The following PLCH1 variants were observed in gnomAD, a reference collection of about 807,000 sequenced individuals.
The protein encoded by PLCH1 is phospholipase C eta 1, also known as 1-phosphatidylinositol 4,5-bisphosphate phosphodiesterase eta-1.
Under a neutral mutation model 126.7 loss-of-function variants are expected in PLCH1, and 60 were observed. The observed-to-expected ratio is 0.47, with a 90% CI of 0.38 to 0.59. PLCH1 has a LOEUF of 0.59. Among genes scored for constraint, PLCH1 ranks in the 20% least tolerant of loss-of-function variants. The pLI is 0.00. For synonymous variants in PLCH1, 719 were observed against 734.9 expected (o/e 0.98, Z 0.35); for missense variants, 1,723 against 2,040.0 (o/e 0.84, Z 2.99).
intron 2 of PLCH1, among the ~76,000 whole-genome samples, chr3:155,653,303 C>T (rs971952547): frequency 2.0e-5 from 3 of 152,194 alleles, no homozygotes; most frequent in Non-Finnish European, 2.9e-5. Flanking sequence ...CATGCATTGG[C>T]TACTACACCT....
chr3:155,493,289 C>A (rs1044726486), intron 17 of PLCH1, among the ~76,000 whole-genome samples: 1 of 152,168 alleles, frequency 6.6e-6, no homozygotes, highest in Non-Finnish European at 1.5e-5. Flanking sequence ...ACTTTTTTAT[C>A]TGAATTGTTA....
intron 2 of PLCH1, among the ~76,000 whole-genome samples, chr3:155,605,671 T>G (rs1734264316): frequency 6.6e-6 from 1 of 152,208 alleles, no homozygotes; most frequent in South Asian, 2.1e-4. Context: ...TACAGCTCGG[T>G]AGCAAAGGCT....
intron 2 of PLCH1, among the ~76,000 whole-genome samples, chr3:155,678,714 C>T (rs551738146): frequency 6.0e-4 from 92 of 152,262 alleles, no homozygotes; most frequent in Non-Finnish European, 1.2e-3. Context: ...AACAACCTTA[C>T]AGCCTTAGAA....
intron 8 of PLCH1, 63 bp downstream of exon 8, chr3:155,564,852 C>G: frequency 9.7e-7 from 1 of 1,030,638 alleles, no homozygotes; most frequent in Non-Finnish European, 1.5e-6. Flanking sequence ...ATACTAGACT[C>G]GACAGACTGA....
In PLCH1 at chr3:155,650,105, C is replaced by T. The variant is rs554481105; in HGVS notation, c.80-53727G>A. On this transcript the variant is annotated intron_variant, in intron 2 of 22. Transcript: ENST00000460012. ...TCTTCCACAAACAGCCCCCCCAAAC[C>T]CCCAAATAAAACAGTCATGAAACTA... is the stretch of plus-strand genomic sequence containing the variant. 5.3e-5 allele frequency among the ~76,000 whole-genome samples: 8 copies of T among 152,200 alleles called. No homozygotes were observed. In the South Asian group the frequency reaches 1.7e-3, roughly 32 times the overall value.
intron 2 of PLCH1, among the ~76,000 whole-genome samples, chr3:155,644,046 C>T (rs1344947238): frequency 6.6e-6 from 1 of 151,968 alleles, no homozygotes; most frequent in Non-Finnish European, 1.5e-5. Context: ...GTGGCTGGAT[C>T]ACACACTGGA....
At position 155,480,467 on chromosome 3, in the gene PLCH1, A is replaced by G. The variant is rs1351604587; in HGVS notation, c.*501T>C. The G allele has an allele frequency of 1.3e-5, 2 of 154,224 alleles. No individual in the cohort carries two copies. Among genetic ancestry groups the G allele is most frequent in the African/African-American group, 4.8e-5 (2 of 41,450 alleles). 9.6% of individuals were successfully genotyped at this position (154,224 alleles called of 1,614,324 possible). ...TCCTAAAAGGCAAGGTAACTATTTT[A>G]AAGTTTTTAAAACTGAGTTATAAAA... On this transcript the variant is annotated 3_prime_UTR_variant, in exon 23 of 23. Transcript: ENST00000460012.
At chr3:155,627,978 G>A (rs1207470160) in intron 2 of PLCH1, among the ~76,000 whole-genome samples, 2 of 151,798 alleles carry the variant, frequency 1.3e-5, no homozygotes, top group Non-Finnish European at 2.9e-5. Context: ...TGTTGGCCAG[G>A]TTGATCTCGA....
intron 22 of PLCH1, among the ~76,000 whole-genome samples, chr3:155,483,596 A>G (rs1714535095): frequency 6.6e-6 from 1 of 152,242 alleles, no homozygotes; most frequent in African/African-American, 2.4e-5. Flanking sequence ...GGAAGGTGCA[A>G]TAAATGCATT....
At chr3:155,495,071 T>C (rs1439478572) in intron 15 of PLCH1, among the ~76,000 whole-genome samples, 1 of 152,056 alleles carries the variant, frequency 6.6e-6, no homozygotes, top group Non-Finnish European at 1.5e-5. Context: ...AATAGAACTA[T>C]GGAACAAGTC....
At chr3:155,728,737 G>A (rs1205066974) in intron 1 of PLCH1, among the ~76,000 whole-genome samples, 1 of 152,110 alleles carries the variant, frequency 6.6e-6, no homozygotes, top group South Asian at 2.1e-4. Flanking sequence ...ATATCAGGAT[G>A]GGCATACTTC....
chr3:155,523,571 TAAAGCC>T (rs1721491060), intron 11 of PLCH1, among the ~76,000 whole-genome samples: 1 of 152,184 alleles, frequency 6.6e-6, no homozygotes. Flanking sequence ...ATGCTAAAAG[TAAAGCC>T]AGCTTTTATT....
In PLCH1 at chr3:155,482,026, C is replaced by A. The variant is rs369400389; in HGVS notation, c.4000G>T (p.Glu1334Ter). 6 of 1,614,032 alleles carry A rather than the reference C, an allele frequency of 3.7e-6. No homozygotes were observed. Among genetic ancestry groups the A allele is most frequent in the Non-Finnish European group, 4.2e-6 (5 of 1,180,016 alleles). The change falls in exon 23 of 23, where the codon GAG (glutamate) becomes TAG (stop). Residue 1334 changes from glutamate (E) to a stop codon, truncating the protein, a stop_gained. Transcript: ENST00000460012. LOFTEE classifies it low-confidence loss of function (END_TRUNC). ...AGAGTGGGATCAGCTATTACATCCTCCAGGGTCAAATCAGGGGAAGAGGCA... is the reference window on the plus strand; with the variant it reads ...AGAGTGGGATCAGCTATTACATCCTACAGGGTCAAATCAGGGGAAGAGGCA... ...SPASSPDLTL[E>*]DVIADPTLCF...
At chr3:155,456,555 A>C (rs541028708) in intron 21 of PLCH1, 1 of 152,338 alleles carries the variant, frequency 6.6e-6, no homozygotes, top group East Asian at 1.9e-4. Context: ...TCCAGCCCTT[A>C]TTTCTGCCCC....
chr3:155,585,859 G>A (rs375660904), intron 5 of PLCH1, among the ~76,000 whole-genome samples: 20 of 152,266 alleles, frequency 1.3e-4, no homozygotes, highest in South Asian at 4.1e-4. Context: ...ACAAAAAAGC[G>A]TTTTAGGAAG....
At chr3:155,512,130 A>C in intron 12 of PLCH1, among the ~76,000 whole-genome samples, 1 of 149,794 alleles carries the variant, frequency 6.7e-6, no homozygotes. Context: ...TGCGTCCGTC[A>C]CCCCTTTCTT....
At chr3:155,661,216 T>G (rs146386513) in intron 2 of PLCH1, among the ~76,000 whole-genome samples, 3 of 152,250 alleles carry the variant, frequency 2.0e-5, no homozygotes, top group Non-Finnish European at 4.4e-5. Context: ...GCTAAGGCAA[T>G]GAAAGGGTTC....
intron 2 of PLCH1, among the ~76,000 whole-genome samples, chr3:155,612,153 C>T (rs1735185710): frequency 6.6e-6 from 1 of 151,706 alleles, no homozygotes; most frequent in Non-Finnish European, 1.5e-5. Context: ...TTCGTCTCTA[C>T]TAAAAAATAA....
At chr3:155,736,135 G>C (rs1749163177) in intron 1 of PLCH1, among the ~76,000 whole-genome samples, 1 of 152,206 alleles carries the variant, frequency 6.6e-6, no homozygotes, top group Admixed American at 6.5e-5. Flanking sequence ...AATTGGTCCT[G>C]ATTCAGGTTT....
Sources: allele counts gnomAD v4.1 joint callset (sites outside exome capture counted in the v4.1 genomes callset), GRCh38; gene constraint gnomAD v4.1.1; transcripts MANE v1.5; gene names NCBI Gene and HGNC (gene_info 2026-07-23, HGNC 2026-07-21).